RFX7: variants seen among roughly 807,000 people sequenced by gnomAD.
The protein encoded by RFX7 is DNA-binding protein RFX7.
A neutral mutation model predicts 111.8 loss-of-function variants in RFX7; 26 were observed. That is an observed-to-expected ratio of 0.23 (90% CI 0.17 to 0.32). The LOEUF is 0.32. RFX7 is among the 10% of genes least tolerant of loss of function. The probability of loss-of-function intolerance (pLI) is 1.00; values close to 1 mark genes in which losing one functional copy is unlikely to be tolerated. For synonymous variants in RFX7, 624 were observed against 624.4 expected (o/e 1.00, Z 0.01); for missense variants, 1,573 against 1,772.9 (o/e 0.89, Z 2.02).
chr15:56,237,290 T>G (rs2043634274), intron 2 of RFX7, among the ~76,000 whole-genome samples: 1 of 152,178 alleles, frequency 6.6e-6, no homozygotes. Context: ...GAAGTTTTAT[T>G]GCATATTTTT....
chr15:56,225,869 A>G (rs1188130274), intron 2 of RFX7, among the ~76,000 whole-genome samples: 10 of 152,198 alleles, frequency 6.6e-5, no homozygotes, highest in African/African-American at 2.4e-4. Flanking sequence ...TAAACTTTGA[A>G]ACAACCTAAT....
chr15:56,218,374 T>A (rs1275427863), intron 2 of RFX7, among the ~76,000 whole-genome samples: 1 of 152,038 alleles, frequency 6.6e-6, no homozygotes, highest in Non-Finnish European at 1.5e-5. Context: ...TCAGGTGATC[T>A]GCCCGCCTCA....
At chr15:56,099,533 C>A (rs748970) in intron 8 of RFX7, among the ~76,000 whole-genome samples, 114,943 of 151,912 alleles carry the variant, frequency 0.76, 43,767 homozygotes, top group Middle Eastern at 0.84. Flanking sequence ...CTGTCTTATC[C>A]TTCCTGCCAG....
chr15:56,144,076 A>T (rs910683050), intron 4 of RFX7, among the ~76,000 whole-genome samples: 1 of 152,142 alleles, frequency 6.6e-6, no homozygotes, highest in Non-Finnish European at 1.5e-5. Flanking sequence ...ATTCCTTATG[A>T]TACTTATCTG....
intron 8 of RFX7, 55 bp from the exon 9 acceptor site, chr15:56,098,431 G>A (rs1050971034): frequency 2.7e-6 from 4 of 1,491,892 alleles, no homozygotes; most frequent in Non-Finnish European, 3.6e-6. Context: ...ATAGAAGGGA[G>A]GTTCCTTTGA....
In RFX7 at chr15:56,177,192, G is replaced by A. The variant is rs1021142035; in HGVS notation, c.195+2078C>T. Among the ~76,000 whole-genome samples the A allele has an allele frequency of 2.0e-5, 3 of 152,178 alleles. No homozygotes were observed. The South Asian group carries it at 6.2e-4, about 32-fold the overall frequency. On this transcript the variant is annotated intron_variant, in intron 3 of 9. Transcript: ENST00000559447. ...TCCTTCTACCTCATGTGTGTCACCA[G>A]GAGATCATGACTCAAGCTGGCTTCT...
chr15:56,243,031 T>G, intron 2 of RFX7, 94 bp downstream of exon 2: 1 of 769,422 alleles, frequency 1.3e-6, no homozygotes, highest in Non-Finnish European at 2.0e-6. Context: ...TGCATCAGCC[T>G]CCTCCTCCGC....
At chr15:56,147,612 C>T (rs189684150) in intron 3 of RFX7, among the ~76,000 whole-genome samples, 67 of 150,888 alleles carry the variant, frequency 4.4e-4, no homozygotes, top group African/African-American at 1.1e-3. Flanking sequence ...CTTGCTGTGT[C>T]GCCCAGGCTG....
chr15:56,109,997 C>T (rs1364131548), intron 5 of RFX7, among the ~76,000 whole-genome samples: 1 of 140,674 alleles, frequency 7.1e-6, no homozygotes, highest in African/African-American at 2.6e-5. Flanking sequence ...CCAGCCGCCC[C>T]GTCCGGGAGG....
intron 2 of RFX7, among the ~76,000 whole-genome samples, chr15:56,224,629 C>A: frequency 6.6e-6 from 1 of 151,904 alleles, no homozygotes; most frequent in Admixed American, 6.6e-5. Context: ...TCACATTTTC[C>A]CATTTTCCTC....
At chr15:56,174,290 A>C (rs1046857917) in intron 3 of RFX7, among the ~76,000 whole-genome samples, 2 of 152,186 alleles carry the variant, frequency 1.3e-5, no homozygotes, top group African/African-American at 4.8e-5. Flanking sequence ...AAAAAAACCC[A>C]AAAAGTTGAA....
At chr15:56,234,814 C>T (rs1196458442) in intron 2 of RFX7, among the ~76,000 whole-genome samples, 1 of 152,140 alleles carries the variant, frequency 6.6e-6, no homozygotes, top group South Asian at 2.1e-4. Flanking sequence ...ATTCAATCTC[C>T]AAATTCCTAT....
At chr15:56,191,086 G>A (rs2043096268) in intron 2 of RFX7, among the ~76,000 whole-genome samples, 1 of 152,130 alleles carries the variant, frequency 6.6e-6, no homozygotes, top group Admixed American at 6.5e-5. Flanking sequence ...CCATCAGTAG[G>A]GCTCCCTTCC....
intron 2 of RFX7, among the ~76,000 whole-genome samples, chr15:56,208,420 T>A (rs538135424): frequency 6.6e-6 from 1 of 152,270 alleles, no homozygotes; most frequent in East Asian, 1.9e-4. Context: ...GATAACATTA[T>A]AGAATGCTCC....
chr15:56,206,738 C>T (rs2043256342), intron 2 of RFX7, among the ~76,000 whole-genome samples: 1 of 148,056 alleles, frequency 6.8e-6, no homozygotes. Context: ...GTGAAATAAG[C>T]CATGTACAGA....
chr15:56,160,011 T>C lies in RFX7; in HGVS notation c.196-15528A>G, dbSNP rs141239419. On this transcript the variant is annotated intron_variant, in intron 3 of 9. Transcript: ENST00000559447. ...GATTTCCCTTGTTTGAAATCTGTAGTGATTTGTTTCCTGTAACGACAATCT... is the reference window on the plus strand; with the variant it reads ...GATTTCCCTTGTTTGAAATCTGTAGCGATTTGTTTCCTGTAACGACAATCT... Among the ~76,000 whole-genome samples, 509 of 152,288 alleles carry C rather than the reference T, an allele frequency of 3.3e-3. 8 individuals carry two copies. The highest frequency in any genetic ancestry group is 0.012 in the African/African-American group (490 of 41,560).
chr15:56,229,742 T>G (rs1392293697), intron 2 of RFX7, among the ~76,000 whole-genome samples: 1 of 152,168 alleles, frequency 6.6e-6, no homozygotes, highest in Non-Finnish European at 1.5e-5. Flanking sequence ...GGTCATAATT[T>G]GAGAACCACT....
At chr15:56,146,489 G>A (rs2042474390) in intron 3 of RFX7, among the ~76,000 whole-genome samples, 2 of 152,070 alleles carry the variant, frequency 1.3e-5, no homozygotes, top group African/African-American at 4.8e-5. Context: ...TATGAGCCAT[G>A]TCTGAGAAAG....
chr15:56,224,958 A>C (rs1453019329), intron 2 of RFX7, among the ~76,000 whole-genome samples: 2 of 152,124 alleles, frequency 1.3e-5, no homozygotes, highest in African/African-American at 2.4e-5. Context: ...TTTCTTAAAT[A>C]ATCCTCCTGC....
Sources: gnomAD v4.1 joint callset for allele counts (sites outside exome capture counted in the v4.1 genomes callset) on GRCh38, gnomAD v4.1.1 for gene constraint, MANE v1.5 for transcripts, NCBI Gene and HGNC (gene_info 2026-07-23, HGNC 2026-07-21) for gene names.